The following NUTM1 variants were observed in gnomAD, a reference collection of about 807,000 sequenced individuals.
NUTM1 encodes NUT midline carcinoma family member 1, also known as NUT family member 1.
NUTM1 carries 39 observed loss-of-function variants against 88.7 expected under a neutral mutation model. The observed-to-expected ratio is 0.44, with a 90% CI of 0.34 to 0.57. The LOEUF (loss-of-function observed/expected upper bound fraction) is 0.57, where lower values mean the gene tolerates loss of function less well. NUTM1 is among the 20% of genes least tolerant of loss of function. The pLI is 0.01. For synonymous variants in NUTM1, 494 were observed against 538.0 expected, an observed-to-expected ratio of 0.92 and a Z score of 1.13; for missense variants, 1,350 against 1,414.5, an observed-to-expected ratio of 0.95 and a Z score of 0.73.
At chr15:34,354,915 G>C in intron 6 of NUTM1, 106 bp from the exon 7 acceptor site, 1 of 1,021,484 alleles carries the variant, frequency 9.8e-7, no homozygotes, top group Non-Finnish European at 1.5e-6. Context: ...CAATACCGGA[G>C]GGGTAAGAGG....
chr15:34,353,040 C>T (rs1890738049), intron 4 of NUTM1, among the ~76,000 whole-genome samples: 1 of 151,436 alleles, frequency 6.6e-6, no homozygotes, highest in Non-Finnish European at 1.5e-5. Flanking sequence ...CACCCACCAC[C>T]ACATCAGGCT....
intron 4 of NUTM1, among the ~76,000 whole-genome samples, chr15:34,351,960 G>A (rs1213910444): frequency 3.3e-5 from 5 of 150,978 alleles, no homozygotes; most frequent in Admixed American, 2.0e-4. Flanking sequence ...ACCTGAGGTC[G>A]GGAGTTCGAG....
In NUTM1 at chr15:34,355,092, C is replaced by T. The variant is rs371193935; in HGVS notation, c.1434C>T (p.Ala478=). ...CAGAAAAACAGAGAGATCCCTTGGC[C>T]TTAATTGAGGAGCTAGAGCAAGAAG... ...LSPEKQRDPL[A]LIEELEQEEG... The change falls in exon 7 of 8, where the codon GCC becomes GCT. Residue 478 remains alanine (A), a synonymous_variant. Coordinates refer to ENST00000537011, the MANE Select transcript of NUTM1 (RefSeq NM_001284292.2). The surrounding 1 kb of genome is among the most constrained non-coding windows in gnomAD (Gnocchi z 4.3). 1 of 1,613,898 alleles carries T rather than the reference C, an allele frequency of 6.2e-7. No individual in the cohort carries two copies. The highest frequency in any genetic ancestry group is 8.5e-7 in the Non-Finnish European group (1 of 1,179,824).
intron 1 of NUTM1, 90 bp from the exon 2 acceptor site, chr15:34,345,852 A>G (rs1303907092): frequency 8.6e-6 from 13 of 1,519,214 alleles, no homozygotes; most frequent in South Asian, 3.8e-5. Flanking sequence ...CCTCCCCCAC[A>G]GCAGAATGCC....
Position 34,353,879 on chromosome 15 carries a change from C to G in NUTM1, c.1075+7C>G. The G allele has an allele frequency of 6.2e-7, 1 of 1,613,002 alleles. No homozygotes were observed. Among genetic ancestry groups the G allele is most frequent in the South Asian group, 1.1e-5 (1 of 91,036 alleles). ...GAGGTTTGCCAGCAGCCAGGTGAGGCTACCCAATTTTGACAGGAGCCGTGG... is the reference window on the plus strand; with the variant it reads ...GAGGTTTGCCAGCAGCCAGGTGAGGGTACCCAATTTTGACAGGAGCCGTGG... On this transcript the variant is annotated splice_region_variant and intron_variant, in intron 5 of 7. Transcript: ENST00000537011.
chr15:34,353,687 G>C (rs1366649091), intron 4 of NUTM1, 49 bp from the exon 5 acceptor site: 1 of 1,607,440 alleles, frequency 6.2e-7, no homozygotes, highest in Non-Finnish European at 8.5e-7. Flanking sequence ...ATTTCTGATG[G>C]GTCTGGTCTC....
intron 3 of NUTM1, among the ~76,000 whole-genome samples, chr15:34,349,163 G>A (rs183530622): frequency 4.6e-5 from 7 of 152,284 alleles, no homozygotes; most frequent in Non-Finnish European, 1.0e-4. Flanking sequence ...TGCTCCCTCT[G>A]CTCCCTCCAC....
Position 34,357,710 on chromosome 15 carries a change from G to T in NUTM1, c.*219G>T, listed in dbSNP as rs539045587. The stretch of plus-strand genomic sequence containing the variant: ...GGAAGGAGCTATATAGAAAAAAAAT[G>T]AATAAAGTGTTTTGTTGGAAAATGC... On this transcript the variant is annotated 3_prime_UTR_variant, in exon 8 of 8. Coordinates refer to ENST00000537011, the MANE Select transcript of NUTM1 (RefSeq NM_001284292.2). 6.1e-6 allele frequency: 5 copies of T among 814,154 alleles called. No individual in the cohort carries two copies. The South Asian group carries it at 7.5e-5, about 12-fold the overall frequency. 50.4% of individuals were successfully genotyped at this position (814,154 alleles called of 1,614,324 possible). A position where few individuals can be genotyped will look rare whatever the true frequency, so the allele number is the denominator to read the frequency against.
chr15:34,357,637 C>A lies in NUTM1; in HGVS notation c.*146C>A, dbSNP rs754483061. The stretch of plus-strand genomic sequence containing the variant: ...TTTGTTGTTCTGCAAAAGTGGCAAG[C>A]ATGGAGAGAGAGGTCAGACTGGCTA... On this transcript the variant is annotated 3_prime_UTR_variant, in exon 8 of 8. Transcript: ENST00000537011. The A allele has an allele frequency of 6.7e-7, 1 of 1,488,498 alleles. No homozygotes were observed. Among genetic ancestry groups the A allele is most frequent in the South Asian group, 1.1e-5 (1 of 88,060 alleles). The allele number at this position is 1,488,498 out of a possible 1,614,324, so 92.2% of individuals were successfully genotyped here.
intron 1 of NUTM1, among the ~76,000 whole-genome samples, chr15:34,343,911 CTT>C (rs767955449): frequency 2.3e-4 from 32 of 139,952 alleles, no homozygotes; most frequent in South Asian, 4.5e-4. Context: ...AAAACCTGCA[CTT>C]TTTTTTTTTT....
Position 34,343,739 on chromosome 15 carries a change from C to A in NUTM1, c.6+37C>A. On this transcript the variant is annotated intron_variant, in intron 1 of 7. Transcript: ENST00000537011. ...ATAATAACGTAATAAAGTGCACCTT[C>A]TAGGAGTTTTTACAATTTTTAAAAG... 2.6e-6 allele frequency: 4 copies of A among 1,521,174 alleles called. No individual in the cohort carries two copies. In the South Asian group the frequency reaches 3.7e-5, roughly 14 times the overall value. 94.2% of individuals were successfully genotyped at this position (1,521,174 alleles called of 1,614,324 possible).
At chr15:34,351,469 C>T (rs1890708836) in intron 4 of NUTM1, among the ~76,000 whole-genome samples, 1 of 151,672 alleles carries the variant, frequency 6.6e-6, no homozygotes, top group Admixed American at 6.6e-5. Flanking sequence ...CTTGCTTCTT[C>T]TTCCACCACC....
At chr15:34,346,712 G>A (rs1228978767) in intron 2 of NUTM1, among the ~76,000 whole-genome samples, 1 of 90,428 alleles carries the variant, frequency 1.1e-5, no homozygotes, top group African/African-American at 4.2e-5. Context: ...CGTAAACCCC[G>A]TATGTCCTAA....
Position 34,356,766 on chromosome 15 carries a change from T to C in NUTM1, c.2758T>C (p.Ser920Pro), listed in dbSNP as rs776779905. Residue 920 changes from serine (S) to proline (P), a missense_variant, in exon 8 of 8, where the codon TCT becomes CCT. Physicochemically the swap from Ser to Pro is moderately conservative, Grantham distance 74. This residue lies in a region of NUTM1 where 730 missense variants were observed against 728.8 expected (regional missense o/e 1.00). Transcript: ENST00000537011. ...QEAGSRGNSF[S>P]PLLETIEPVN... is the part of the protein sequence containing the mutation. The stretch of plus-strand genomic sequence containing the variant: ...GGCAGGGAGCAGAGGCAATTCCTTT[T>C]CTCCTCTGTTGGAAACCATAGAACC... The C allele has an allele frequency of 6.2e-7, 1 of 1,612,386 alleles. No individual in the cohort carries two copies. The highest frequency in any genetic ancestry group is 8.5e-7 in the Non-Finnish European group (1 of 1,179,542).
intron 3 of NUTM1, 47 bp downstream of exon 3, chr15:34,348,724 G>A: frequency 7.3e-7 from 1 of 1,376,928 alleles, no homozygotes; most frequent in South Asian, 1.2e-5. Context: ...TTTTAAATAA[G>A]GAGGACTTTG....
chr15:34,356,401 T>C lies in NUTM1; in HGVS notation c.2393T>C (p.Leu798Pro), dbSNP rs1375992323. The change falls in exon 8 of 8, where the codon CTG (leucine) becomes CCG (proline). Residue 798 changes from leucine (L) to proline (P), a missense_variant. By Grantham distance (98) the Leu-to-Pro change is moderately conservative. Coordinates refer to ENST00000537011, the MANE Select transcript of NUTM1 (RefSeq NM_001284292.2). Reference sequence around the variant, plus strand: ...CTGGGCTCCAGGGGCAACATTTCCCTGGGTCCTGGAGAAACCCTAGTACCT... The same window carrying C: ...CTGGGCTCCAGGGGCAACATTTCCCCGGGTCCTGGAGAAACCCTAGTACCT... ...QGLGSRGNISLGPGETLVPGD... is the reference protein window; with the variant it reads ...QGLGSRGNISPGPGETLVPGD... The C allele has an allele frequency of 1.2e-6, 2 of 1,612,186 alleles. No homozygotes were observed. Among genetic ancestry groups the C allele is most frequent in the South Asian group, 1.1e-5 (1 of 90,766 alleles).
chr15:34,354,535 A>C lies in NUTM1; in HGVS notation c.1165A>C (p.Lys389Gln), dbSNP rs1426851973. ...AQRPPAPEAP[K>Q]EIPPEAVKEY... ...GAGACCTCCTGCTCCTGAGGCACCC[A>C]AGGAGATCCCACCAGAAGCTGTGAA... Residue 389 changes from lysine (K) to glutamine (Q), a missense_variant, in exon 6 of 8, where the codon AAG (lysine) becomes CAG (glutamine). Coordinates refer to ENST00000537011, the MANE Select transcript of NUTM1 (RefSeq NM_001284292.2). 1 of 1,614,090 alleles carries C rather than the reference A, an allele frequency of 6.2e-7. No homozygotes were observed. Among genetic ancestry groups the C allele is most frequent in the African/African-American group, 1.3e-5 (1 of 75,026 alleles).
chr15:34,356,720 C>T lies in NUTM1; in HGVS notation c.2712C>T (p.Ser904=). 1 of 1,613,546 alleles carries T rather than the reference C, an allele frequency of 6.2e-7. No homozygotes were observed. The highest frequency in any genetic ancestry group is 8.5e-7 in the Non-Finnish European group (1 of 1,179,922). ...TCATGGGGACTGAGGATGCCTCCTC[C>T]TTGCCTGAAGCCAGTCAAGAGGCAG... ...LLIMGTEDAS[S]LPEASQEAGS... The change falls in exon 8 of 8, where the codon TCC becomes TCT. Residue 904 remains serine, a synonymous_variant. Transcript: ENST00000537011.
chr15:34,357,629 G>A lies in NUTM1; in HGVS notation c.*138G>A, dbSNP rs779515815. On this transcript the variant is annotated 3_prime_UTR_variant, in exon 8 of 8. Transcript: ENST00000537011. ...AATGTTGTTTTGTTGTTCTGCAAAA[G>A]TGGCAAGCATGGAGAGAGAGGTCAG... 11 of 1,540,396 alleles carry A rather than the reference G, an allele frequency of 7.1e-6. No individual in the cohort carries two copies. In the Admixed American group the frequency reaches 1.7e-4, roughly 23 times the overall value.
Sources: allele counts gnomAD v4.1 joint callset (sites outside exome capture counted in the v4.1 genomes callset), GRCh38; gene constraint gnomAD v4.1.1; regional missense constraint gnomAD v4.1.1; non-coding constraint Gnocchi (gnomAD v3.1); transcripts MANE v1.5; gene names NCBI Gene and HGNC (gene_info 2026-07-23, HGNC 2026-07-21).